Variants in DAB2IP observed in about 807,000 individuals in gnomAD.
DAB2IP encodes disabled homolog 2-interacting protein.
A neutral mutation model predicts 107.2 loss-of-function variants in DAB2IP; 28 were observed. The ratio of observed to expected loss-of-function variants is 0.26; its 90% CI spans 0.19 to 0.36. The LOEUF is 0.36. DAB2IP is among the 10% of genes least tolerant of loss of function. The probability of loss-of-function intolerance (pLI) is 1.00; values close to 1 mark genes in which losing one functional copy is unlikely to be tolerated. For synonymous variants in DAB2IP, 755 were observed against 706.4 expected (o/e 1.07, Z -1.09); for missense variants, 1,400 against 1,644.7 (o/e 0.85, Z 2.57).
Position 121,635,215 on chromosome 9 carries a change from C to A in DAB2IP, c.41-43463C>A, listed in dbSNP as rs1832046070. 6.6e-6 allele frequency among the ~76,000 whole-genome samples: 1 copy of A among 152,124 alleles called. No individual in the cohort carries two copies. Among genetic ancestry groups the A allele is most frequent in the East Asian group, 1.9e-4 (1 of 5,192 alleles). On this transcript the variant is annotated intron_variant, in intron 1 of 16. Transcript: ENST00000259371. The surrounding 1 kb of genome is among the most constrained non-coding windows in gnomAD (Gnocchi z 4.3). ...GTGTGGGGTCAAGGAGACCCTGGGG[C>A]TGTTCATTGGACAGCACTAATTCAA... is the stretch of plus-strand genomic sequence containing the variant.
intron 3 of DAB2IP, among the ~76,000 whole-genome samples, chr9:121,740,737 T>C (rs551133017): frequency 6.6e-6 from 1 of 152,354 alleles, no homozygotes; most frequent in East Asian, 1.9e-4. Flanking sequence ...CAGTGTCTGT[T>C]GAATGAATGG....
intron 1 of DAB2IP, among the ~76,000 whole-genome samples, chr9:121,587,571 G>T (rs1454986620): frequency 6.7e-6 from 1 of 150,146 alleles, no homozygotes; most frequent in African/African-American, 2.5e-5. Context: ...TCTCATTACT[G>T]CACTCCAGTC....
At chr9:121,740,963 A>C (rs1233333915) in intron 3 of DAB2IP, among the ~76,000 whole-genome samples, 2 of 152,148 alleles carry the variant, frequency 1.3e-5, no homozygotes, top group African/African-American at 4.8e-5. Context: ...AAAACCCCCA[A>C]ATTGGGCCTC....
chr9:121,629,674 G>C (rs1045903634), intron 1 of DAB2IP, among the ~76,000 whole-genome samples: 1 of 152,176 alleles, frequency 6.6e-6, no homozygotes, highest in African/African-American at 2.4e-5. Flanking sequence ...TTCCCTGGAG[G>C]CTTCTGCTAA....
At chr9:121,705,012 G>A (rs1829985550) in intron 3 of DAB2IP, among the ~76,000 whole-genome samples, 1 of 152,244 alleles carries the variant, frequency 6.6e-6, no homozygotes, top group South Asian at 2.1e-4. Context: ...CATCTCTAGA[G>A]AGGAAGGGGA....
At chr9:121,572,782 GAGC>G (rs1433655384) in intron 1 of DAB2IP, among the ~76,000 whole-genome samples, 16 of 151,696 alleles carry the variant, frequency 1.1e-4, no homozygotes, top group Admixed American at 3.9e-4. Flanking sequence ...ACTCGTACAG[GAGC>G]GGGGGTTGGG....
chr9:121,590,404 G>C (rs1432905876), intron 1 of DAB2IP, among the ~76,000 whole-genome samples: 1 of 151,820 alleles, frequency 6.6e-6, no homozygotes, highest in Non-Finnish European at 1.5e-5. Context: ...CATCAGGTAA[G>C]GACCCACCAC....
intron 1 of DAB2IP, among the ~76,000 whole-genome samples, chr9:121,617,096 G>A (rs1000244276): frequency 1.3e-5 from 2 of 152,196 alleles, no homozygotes; most frequent in Admixed American, 1.3e-4. Flanking sequence ...CACTCTGGGA[G>A]GCCGAGGTGA....
intron 1 of DAB2IP, among the ~76,000 whole-genome samples, chr9:121,658,807 C>T (rs959721963): frequency 3.3e-5 from 5 of 152,144 alleles, no homozygotes; most frequent in Non-Finnish European, 5.9e-5. Context: ...GCTCAGTCTC[C>T]GAATCTCAGA....
At chr9:121,579,983 G>A (rs1396138026) in intron 1 of DAB2IP, among the ~76,000 whole-genome samples, 1 of 152,142 alleles carries the variant, frequency 6.6e-6, no homozygotes, top group Non-Finnish European at 1.5e-5. Context: ...ATCTGCCTCA[G>A]GATCATTCTG....
At chr9:121,653,188 GT>G (rs1832824950) in intron 1 of DAB2IP, among the ~76,000 whole-genome samples, 1 of 81,992 alleles carries the variant, frequency 1.2e-5, no homozygotes, top group Non-Finnish European at 3.0e-5. Context: ...CTTGGAGGGA[GT>G]ACTAAGCCTT....
chr9:121,676,432 A>G (rs1315151071), intron 1 of DAB2IP, among the ~76,000 whole-genome samples: 1 of 152,162 alleles, frequency 6.6e-6, no homozygotes, highest in Non-Finnish European at 1.5e-5. Context: ...ATAAACATGC[A>G]CATGTGTTTG....
rs1055906310 is a variant in DAB2IP at position 121,736,305 on chromosome 9, C to T, written c.363-20708C>T. 2.0e-5 allele frequency among the ~76,000 whole-genome samples: 3 copies of T among 152,194 alleles called. No homozygotes were observed. The highest frequency in any genetic ancestry group is 4.4e-5 in the Non-Finnish European group (3 of 68,022). On this transcript the variant is annotated intron_variant, in intron 3 of 15. Coordinates refer to ENST00000408936, the Ensembl canonical transcript of DAB2IP. This position sits in a 1 kb window ranked among gnomAD's most constrained non-coding sequence, Gnocchi z 4.6. ...ACTGGAATGCGCCGCGAGAGCCGGG[C>T]CGCGGGCAAGTGAGGGGCTGGCGGG...
At chr9:121,626,791 G>A (rs1428990890) in intron 1 of DAB2IP, among the ~76,000 whole-genome samples, 2 of 152,142 alleles carry the variant, frequency 1.3e-5, no homozygotes, top group African/African-American at 2.4e-5. Context: ...CAAGAATGAC[G>A]AAGGCACAGG....
chr9:121,578,693 C>T (rs1830121069), intron 1 of DAB2IP, among the ~76,000 whole-genome samples: 1 of 149,880 alleles, frequency 6.7e-6, no homozygotes, highest in Admixed American at 6.6e-5. Flanking sequence ...CCATCCCATC[C>T]TCACTGCCTC....
At chr9:121,587,144 G>A (rs887509517) in intron 1 of DAB2IP, among the ~76,000 whole-genome samples, 2 of 152,192 alleles carry the variant, frequency 1.3e-5, no homozygotes, top group African/African-American at 2.4e-5. Context: ...TCGGAGAAGC[G>A]AACTGGTGCT....
At chr9:121,654,818 G>C (rs1328577421) in intron 1 of DAB2IP, among the ~76,000 whole-genome samples, 1 of 152,198 alleles carries the variant, frequency 6.6e-6, no homozygotes, top group Non-Finnish European at 1.5e-5. Context: ...GCCTGGATCA[G>C]ACTCTTGCCC....
chr9:121,774,340 C>A, exon 13 of DAB2IP: 1 of 1,613,206 alleles, frequency 6.2e-7, no homozygotes, highest in Non-Finnish European at 8.5e-7. Flanking sequence ...TGTTAGAAGA[C>A]GAGGGCCTGG....
chr9:121,619,862 G>T (rs888498760), intron 1 of DAB2IP, among the ~76,000 whole-genome samples: 9 of 152,154 alleles, frequency 5.9e-5, no homozygotes, highest in Admixed American at 2.6e-4. Context: ...CATCGCTAAG[G>T]CCTCCTTAGG....
Sources: gnomAD v4.1 joint callset for allele counts (sites outside exome capture counted in the v4.1 genomes callset) on GRCh38, gnomAD v4.1.1 for gene constraint, Gnocchi (gnomAD v3.1) non-coding constraint, MANE v1.5 for transcripts, NCBI Gene and HGNC (gene_info 2026-07-23, HGNC 2026-07-21) for gene names.